DHX32: variants seen among roughly 807,000 people sequenced by gnomAD.
The protein encoded by DHX32 is DEAH-box helicase 32 (putative).
DHX32 carries 51 observed loss-of-function variants against 70.0 expected under a neutral mutation model. That is an observed-to-expected ratio of 0.73 (90% CI 0.58 to 0.92). The LOEUF is 0.92. Ranked by LOEUF, DHX32 falls within the 40% of genes least tolerant of loss-of-function variation. The pLI is 0.00. For missense variants in DHX32, 762 were observed against 891.8 expected (o/e 0.85, Z 1.85); for synonymous variants, 310 against 315.3 (o/e 0.98, Z 0.18).
intron 6 of DHX32, among the ~76,000 whole-genome samples, chr10:125,844,611 T>G (rs527517293): frequency 6.6e-6 from 1 of 152,380 alleles, no homozygotes; most frequent in Admixed American, 6.5e-5. Context: ...TAATATTATA[T>G]TCTGCATTTT....
intron 3 of DHX32, among the ~76,000 whole-genome samples, chr10:125,857,119 A>G (rs765917846): frequency 1.2e-4 from 18 of 152,272 alleles, no homozygotes; most frequent in Non-Finnish European, 2.2e-4. Context: ...AGCTGTTAGC[A>G]CTGATTTCGG....
intron 1 of DHX32, among the ~76,000 whole-genome samples, chr10:125,892,073 C>A (rs1184980546): frequency 1.3e-5 from 2 of 152,200 alleles, no homozygotes; most frequent in African/African-American, 2.4e-5. Context: ...GCATCTCAAA[C>A]TGAACACATC....
intron 6 of DHX32, 98 bp downstream of exon 6, chr10:125,852,195 T>TCCAAACCA: frequency 7.0e-7 from 1 of 1,426,442 alleles, no homozygotes; most frequent in Non-Finnish European, 9.4e-7. Context: ...TCCATGCTTG[T>TCCAAACCA]GTGCATTGCT....
At chr10:125,870,759 C>A (rs1944251257) in intron 1 of DHX32, among the ~76,000 whole-genome samples, 1 of 152,080 alleles carries the variant, frequency 6.6e-6, no homozygotes. Context: ...ATCACTTGAA[C>A]CCGGGAGGCG....
chr10:125,860,220 A>G (rs1326016807), intron 2 of DHX32, among the ~76,000 whole-genome samples: 2 of 152,144 alleles, frequency 1.3e-5, no homozygotes, highest in Non-Finnish European at 2.9e-5. Context: ...ACCATTCTGA[A>G]CCCTAAGTTA....
At chr10:125,852,714 A>G in intron 4 of DHX32, 72 bp from the exon 5 acceptor site, 4 of 1,362,738 alleles carry the variant, frequency 2.9e-6, no homozygotes, top group Non-Finnish European at 4.0e-6. Flanking sequence ...TCCTGAAGAG[A>G]ATATGCTGCG....
chr10:125,875,229 T>A (rs917048298), intron 1 of DHX32, among the ~76,000 whole-genome samples: 1 of 151,492 alleles, frequency 6.6e-6, no homozygotes, highest in South Asian at 2.1e-4. Flanking sequence ...AAAAAAAAAA[T>A]TGCAATGATA....
Position 125,880,740 on chromosome 10 carries a change from C to T in DHX32, c.85G>A (p.Glu29Lys), listed in dbSNP as rs1444375929. The part of the protein sequence containing the change: ...PESLDSSDGD[E>K]EEVLACEDLE... ...TCCTCACAGGCCAAAACCTCTTCCT[C>T]ATCCCCATCGCTGGAATCCAGGGAT... The change falls in exon 1 of 11, where the codon GAG becomes AAG. Residue 29 changes from glutamate to lysine, a missense_variant. Glu to Lys is a moderately conservative substitution (Grantham distance 56). Around this residue, in one of 3 missense-constraint regions of DHX32, gnomAD observed 394 missense variants for 473.1 expected, o/e 0.83. Coordinates refer to ENST00000284690, the MANE Select transcript of DHX32 (RefSeq NM_018180.3). 28 of 1,614,204 alleles carry T rather than the reference C, an allele frequency of 1.7e-5. No homozygotes were observed. Among genetic ancestry groups the T allele is most frequent in the Non-Finnish European group, 2.4e-5 (28 of 1,180,038 alleles).
chr10:125,848,898 GA>G (rs2134038997), intron 6 of DHX32, among the ~76,000 whole-genome samples: 1 of 152,288 alleles, frequency 6.6e-6, no homozygotes, highest in African/African-American at 2.4e-5. Context: ...TCAGATAAAT[GA>G]AGTGAAGCAA....
chr10:125,837,384 C>T (rs980896997), intron 10 of DHX32, among the ~76,000 whole-genome samples: 2 of 152,226 alleles, frequency 1.3e-5, no homozygotes, highest in Non-Finnish European at 2.9e-5. Flanking sequence ...TAGTCTCACT[C>T]TTGCCATTGC....
intron 1 of DHX32, among the ~76,000 whole-genome samples, chr10:125,878,965 C>T (rs1944300542): frequency 6.6e-6 from 1 of 150,806 alleles, no homozygotes; most frequent in African/African-American, 2.4e-5. Flanking sequence ...GTCTCGGCCT[C>T]CCAAAGTGCT....
rs147932500 is a variant in DHX32 at position 125,844,987 on chromosome 10, C to T, written c.1352-3053G>A. ...TTCTGTGTGCCTGTTTTCTGTGGAA[C>T]CCCAAATGCCAAGCTCCAATATGTG... On this transcript the variant is annotated intron_variant, in intron 6 of 10. Coordinates refer to ENST00000284690, the MANE Select transcript of DHX32 (RefSeq NM_018180.3). 1.2e-4 allele frequency among the ~76,000 whole-genome samples: 18 copies of T among 152,308 alleles called. No individual in the cohort carries two copies. In the East Asian group the frequency reaches 1.4e-3, roughly 11 times the overall value.
At chr10:125,838,142 T>C in intron 10 of DHX32, 64 bp downstream of exon 10, 2 of 1,448,792 alleles carry the variant, frequency 1.4e-6, no homozygotes, top group Non-Finnish European at 1.8e-6. Flanking sequence ...GCCAAATTTG[T>C]CATTTACTCC....
At chr10:125,846,336 C>T (rs1468567354) in intron 6 of DHX32, among the ~76,000 whole-genome samples, 1 of 152,150 alleles carries the variant, frequency 6.6e-6, no homozygotes, top group African/African-American at 2.4e-5. Flanking sequence ...CCAGAACAAC[C>T]TAGAAAAATC....
chr10:125,890,690 A>G (rs1944365311), intron 1 of DHX32: 1 of 152,302 alleles, frequency 6.6e-6, no homozygotes, highest in Non-Finnish European at 1.5e-5. Flanking sequence ...AATATACAGT[A>G]TTGAATATTG....
At chr10:125,852,194 G>T (rs1270403808) in intron 6 of DHX32, 99 bp downstream of exon 6, 2 of 1,425,936 alleles carry the variant, frequency 1.4e-6, no homozygotes, top group East Asian at 2.4e-5. Context: ...CTCCATGCTT[G>T]TGTGCATTGC....
chr10:125,861,936 A>T (rs1383004412), intron 2 of DHX32, among the ~76,000 whole-genome samples: 1 of 152,198 alleles, frequency 6.6e-6, no homozygotes, highest in Non-Finnish European at 1.5e-5. Flanking sequence ...GGAAAAAAAA[A>T]AAAAGGAAGT....
intron 6 of DHX32, 111 bp downstream of exon 6, chr10:125,852,182 C>T (rs1944099225): frequency 3.0e-6 from 4 of 1,345,548 alleles, no homozygotes; most frequent in Admixed American, 5.2e-5. Flanking sequence ...AACCAACGCC[C>T]CCTCCATGCT....
At chr10:125,894,043 CAAAGT>C (rs1944386976) in intron 1 of DHX32, among the ~76,000 whole-genome samples, 1 of 152,220 alleles carries the variant, frequency 6.6e-6, no homozygotes, top group Non-Finnish European at 1.5e-5. Flanking sequence ...TAAACATCAG[CAAAGT>C]AAACAATAAT....
Sources: gnomAD v4.1 joint callset for allele counts (sites outside exome capture counted in the v4.1 genomes callset) on GRCh38, gnomAD v4.1.1 for gene constraint, gnomAD v4.1.1 regional missense constraint, MANE v1.5 for transcripts, NCBI Gene and HGNC (gene_info 2026-07-23, HGNC 2026-07-21) for gene names.